The following DPP10 variants were observed in gnomAD, a reference collection of about 807,000 sequenced individuals.
DPP10 encodes the protein inactive dipeptidyl peptidase 10.
Under a neutral mutation model 120.9 loss-of-function variants are expected in DPP10, and 33 were observed. That is an observed-to-expected ratio of 0.27 (90% CI 0.21 to 0.37). DPP10 has a LOEUF of 0.37. DPP10 is among the 10% of genes least tolerant of loss of function. The pLI, the probability that DPP10 is intolerant of heterozygous loss-of-function variation, is 1.00. For synonymous variants in DPP10, 337 were observed against 326.1 expected, an observed-to-expected ratio of 1.03 and a Z score of -0.36; for missense variants, 816 against 942.8, an observed-to-expected ratio of 0.87 and a Z score of 1.76.
chr2:115,165,495 A>G (rs952040626), intron 1 of DPP10, among the ~76,000 whole-genome samples: 1 of 152,250 alleles, frequency 6.6e-6, no homozygotes. Flanking sequence ...AGCTTCAACT[A>G]TACAAGTAAA....
intron 1 of DPP10, among the ~76,000 whole-genome samples, chr2:115,220,905 A>G (rs541385359): frequency 1.3e-5 from 2 of 149,008 alleles, no homozygotes; most frequent in African/African-American, 4.9e-5. Flanking sequence ...TTCATATATC[A>G]TATTTATTTT....
chr2:115,117,359 C>T (rs1173349399), intron 1 of DPP10, among the ~76,000 whole-genome samples: 1 of 152,204 alleles, frequency 6.6e-6, no homozygotes, highest in Non-Finnish European at 1.5e-5. Flanking sequence ...TTTTACCAGC[C>T]AGCTTTTCCT....
chr2:115,232,661 A>T (rs993088205), intron 1 of DPP10, among the ~76,000 whole-genome samples: 2 of 152,272 alleles, frequency 1.3e-5, no homozygotes, highest in Non-Finnish European at 2.9e-5. Context: ...CACACAAGGC[A>T]AGGGAGCTGA....
rs56679181 is a variant in DPP10, at chr2:114,724,013, C to T, written c.60+281175C>T. On this transcript the variant is annotated intron_variant, in intron 1 of 25. Coordinates refer to ENST00000410059, the MANE Select transcript of DPP10 (RefSeq NM_020868.6). ...ATAATGGGATCTTGGCCATGAGACA[C>T]GAGGAAAAGAAAATATATTTTTTAA... Among the ~76,000 whole-genome samples the T allele has an allele frequency of 9.8e-3, 1,497 of 152,036 alleles. 25 individuals carry two copies. Among genetic ancestry groups the T allele is most frequent in the African/African-American group, 0.034 (1,414 of 41,448 alleles).
chr2:115,273,965 C>A (rs905105771), intron 1 of DPP10, among the ~76,000 whole-genome samples: 6 of 152,080 alleles, frequency 3.9e-5, no homozygotes, highest in African/African-American at 7.2e-5. Context: ...CTGCACGGAG[C>A]CTTTACTGTG....
chr2:114,981,605 G>A (rs190611158), intron 1 of DPP10, among the ~76,000 whole-genome samples: 94 of 152,012 alleles, frequency 6.2e-4, no homozygotes, highest in Non-Finnish European at 1.0e-3. Context: ...CTTCGAAACC[G>A]GGTCTCTCTC....
chr2:114,666,208 ACT>A (rs1349726235), intron 1 of DPP10, among the ~76,000 whole-genome samples: 2 of 152,214 alleles, frequency 1.3e-5, no homozygotes, highest in Non-Finnish European at 2.9e-5. Context: ...GTCATTTAAC[ACT>A]GTTTTAATGA....
At chr2:114,815,385 C>T (rs1007021591) in intron 1 of DPP10, among the ~76,000 whole-genome samples, 50 of 152,248 alleles carry the variant, frequency 3.3e-4, no homozygotes, top group African/African-American at 1.1e-3. Flanking sequence ...TCTCAAGGGT[C>T]CCTGTCACAC....
chr2:115,068,951 T>C lies in DPP10; in HGVS notation c.61-240288T>C, dbSNP rs186751167. On this transcript the variant is annotated intron_variant, in intron 1 of 25. Coordinates refer to ENST00000410059, the MANE Select transcript of DPP10 (RefSeq NM_020868.6). Reference sequence around the variant, plus strand: ...CTATTTTTATGCCAGTATCATGTTGTTTTTATTACTATAGCTTTGTAGTAT... The same window carrying C: ...CTATTTTTATGCCAGTATCATGTTGCTTTTATTACTATAGCTTTGTAGTAT... Among the ~76,000 whole-genome samples the C allele has an allele frequency of 8.7e-3, 1,327 of 152,302 alleles. 9 individuals are homozygous for C. Among genetic ancestry groups the C allele is most frequent in the Middle Eastern group, 0.024 (7 of 294 alleles).
At chr2:115,379,555 A>T (rs2066121917) in intron 3 of DPP10, among the ~76,000 whole-genome samples, 1 of 151,482 alleles carries the variant, frequency 6.6e-6, no homozygotes, top group Non-Finnish European at 1.5e-5. Flanking sequence ...TATTTCCTTC[A>T]GTTCTGCTCT....
intron 1 of DPP10, among the ~76,000 whole-genome samples, chr2:114,649,642 G>T (rs186429981): frequency 2.0e-5 from 3 of 152,156 alleles, no homozygotes; most frequent in Admixed American, 6.5e-5. Context: ...GAGATTTTTT[G>T]AAAGTTCATC....
chr2:114,928,101 C>G (rs925588927), intron 1 of DPP10, among the ~76,000 whole-genome samples: 4 of 152,148 alleles, frequency 2.6e-5, no homozygotes, highest in African/African-American at 9.7e-5. Context: ...GACAAACATC[C>G]AAACTACAGC....
At chr2:114,716,086 T>C (rs1399235447) in intron 1 of DPP10, among the ~76,000 whole-genome samples, 1 of 151,468 alleles carries the variant, frequency 6.6e-6, no homozygotes. Flanking sequence ...CTTAAGACTT[T>C]TAGAAAATCA....
chr2:115,161,795 G>C (rs928743323), intron 1 of DPP10: 1 of 675,684 alleles, frequency 1.5e-6, no homozygotes, highest in Non-Finnish European at 2.2e-6. Context: ...AGCCCGCCCG[G>C]TGCCGCTCTT....
At chr2:115,719,118 A>C (rs541900456) in intron 7 of DPP10, among the ~76,000 whole-genome samples, 168 of 152,288 alleles carry the variant, frequency 1.1e-3, no homozygotes, top group Non-Finnish European at 1.9e-3. Flanking sequence ...GCCAAGAGAA[A>C]GTCTGTTATT....
At chr2:115,700,703 C>T (rs1238680142) in intron 7 of DPP10, among the ~76,000 whole-genome samples, 1 of 152,052 alleles carries the variant, frequency 6.6e-6, no homozygotes, top group Non-Finnish European at 1.5e-5. Context: ...CACACACACT[C>T]AGCATTTTAG....
chr2:115,603,576 T>TG (rs1553459853), intron 5 of DPP10, among the ~76,000 whole-genome samples: 178 of 147,698 alleles, frequency 1.2e-3, no homozygotes, highest in Non-Finnish European at 2.2e-3. Flanking sequence ...TTTTGTTTTT[T>TG]TTTTTTTTGG....
intron 20 of DPP10, 57 bp downstream of exon 20, chr2:115,815,044 T>C: frequency 3.4e-6 from 5 of 1,479,866 alleles, no homozygotes; most frequent in Admixed American, 1.8e-5. Context: ...TCTTGGTATA[T>C]GACATATAAT....
chr2:115,844,317 T>A lies in DPP10; in HGVS notation c.*1972T>A, dbSNP rs1240099471. On this transcript the variant is annotated 3_prime_UTR_variant, in exon 26 of 26. Coordinates refer to ENST00000410059, the MANE Select transcript of DPP10 (RefSeq NM_020868.6). The stretch of plus-strand genomic sequence containing the variant: ...GTCTGAAAGGTGTGGTTTTATTGAA[T>A]GTCTATTTGAGTATCATTTAAAAAG... The A allele has an allele frequency of 6.6e-6, 1 of 152,606 alleles. No homozygotes were observed. The highest frequency in any genetic ancestry group is 1.5e-5 in the Non-Finnish European group (1 of 68,012). The allele number at this position is 152,606 out of a possible 1,614,324, so 9.5% of individuals were successfully genotyped here.
Sources: allele counts gnomAD v4.1 joint callset (sites outside exome capture counted in the v4.1 genomes callset), GRCh38; gene constraint gnomAD v4.1.1; transcripts MANE v1.5; gene names NCBI Gene and HGNC (gene_info 2026-07-23, HGNC 2026-07-21).